The following NKAIN2 variants were observed in gnomAD, a reference collection of about 807,000 sequenced individuals.
The protein encoded by NKAIN2 is sodium/potassium transporting ATPase interacting 2.
A neutral mutation model predicts 32.6 loss-of-function variants in NKAIN2; 14 were observed. The observed-to-expected ratio is 0.43, with a 90% CI of 0.28 to 0.67. The LOEUF (loss-of-function observed/expected upper bound fraction) is 0.67, where lower values mean the gene tolerates loss of function less well. Ranked by LOEUF, NKAIN2 falls within the 30% of genes least tolerant of loss-of-function variation. The pLI, the probability that NKAIN2 is intolerant of heterozygous loss-of-function variation, is 0.17. For missense variants in NKAIN2, 198 were observed against 258.3 expected, an observed-to-expected ratio of 0.77 and a Z score of 1.60; for synonymous variants, 80 against 87.2, an observed-to-expected ratio of 0.92 and a Z score of 0.46.
chr6:123,872,687 A>C (rs1158270338), intron 1 of NKAIN2, among the ~76,000 whole-genome samples: 1 of 152,236 alleles, frequency 6.6e-6, no homozygotes, highest in African/African-American at 2.4e-5. Flanking sequence ...AATCACCAAG[A>C]ATGCTGAAAG....
At chr6:124,286,679 CGCGTGT>C (rs754196407) in intron 2 of NKAIN2, among the ~76,000 whole-genome samples, 26 of 131,974 alleles carry the variant, frequency 2.0e-4, no homozygotes, top group Admixed American at 1.1e-3. Context: ...TGTGTGCGCG[CGCGTGT>C]GTGTGTGTGT....
intron 1 of NKAIN2, among the ~76,000 whole-genome samples, chr6:124,091,119 T>TA (rs1258460240): frequency 6.6e-6 from 1 of 151,970 alleles, no homozygotes; most frequent in Non-Finnish European, 1.5e-5. Context: ...GTAAAAAGGC[T>TA]AAAAAATTGA....
chr6:124,678,855 T>TAATC (rs1276064277), intron 4 of NKAIN2, among the ~76,000 whole-genome samples: 1 of 152,236 alleles, frequency 6.6e-6, no homozygotes, highest in African/African-American at 2.4e-5. Flanking sequence ...AGATCTTTGT[T>TAATC]AATCAACCCA....
At chr6:123,998,825 A>G (rs1042340111) in intron 1 of NKAIN2, among the ~76,000 whole-genome samples, 22 of 150,280 alleles carry the variant, frequency 1.5e-4, no homozygotes, top group African/African-American at 4.4e-4. Flanking sequence ...ATATATATAT[A>G]TATATGGTGA....
intron 1 of NKAIN2, among the ~76,000 whole-genome samples, chr6:123,877,393 T>C (rs1267910130): frequency 6.6e-6 from 1 of 152,254 alleles, no homozygotes; most frequent in Non-Finnish European, 1.5e-5. Context: ...CTGAAGCTTT[T>C]AATGTATTAA....
At chr6:124,609,489 G>T (rs1782613063) in intron 3 of NKAIN2, among the ~76,000 whole-genome samples, 1 of 151,998 alleles carries the variant, frequency 6.6e-6, no homozygotes, top group African/African-American at 2.4e-5. Context: ...ACGCACCCTA[G>T]ATGTCACGAT....
At chr6:123,950,305 A>G (rs1777267071) in intron 1 of NKAIN2, among the ~76,000 whole-genome samples, 1 of 151,742 alleles carries the variant, frequency 6.6e-6, no homozygotes, top group Non-Finnish European at 1.5e-5. Flanking sequence ...CCACAGTAAA[A>G]CTGGCCTCTT....
intron 3 of NKAIN2, among the ~76,000 whole-genome samples, chr6:124,391,795 T>A (rs1011826609): frequency 6.6e-6 from 1 of 152,136 alleles, no homozygotes; most frequent in Admixed American, 6.6e-5. Context: ...AACTTGAACT[T>A]CTTGTGATCT....
At chr6:124,560,106 G>A (rs560421467) in intron 3 of NKAIN2, among the ~76,000 whole-genome samples, 1 of 152,006 alleles carries the variant, frequency 6.6e-6, no homozygotes, top group Non-Finnish European at 1.5e-5. Context: ...CATTGATATG[G>A]CTTGGCTGTG....
chr6:124,151,518 A>G (rs1787724386), intron 1 of NKAIN2, among the ~76,000 whole-genome samples: 1 of 151,960 alleles, frequency 6.6e-6, no homozygotes, highest in Non-Finnish European at 1.5e-5. Flanking sequence ...CATATGAACT[A>G]ATTTCTTATG....
chr6:124,808,026 T>C (rs552204534), intron 5 of NKAIN2, among the ~76,000 whole-genome samples: 23 of 150,344 alleles, frequency 1.5e-4, no homozygotes, highest in African/African-American at 5.3e-4. Flanking sequence ...CAGGACCAGA[T>C]GGATTCACAG....
intron 1 of NKAIN2, among the ~76,000 whole-genome samples, chr6:124,028,217 T>G (rs1037319530): frequency 6.6e-6 from 1 of 152,096 alleles, no homozygotes; most frequent in African/African-American, 2.4e-5. Flanking sequence ...TTAAATCCTA[T>G]TCTCTGAATG....
In NKAIN2 at chr6:124,017,492, T is replaced by A. The variant is rs149374219; in HGVS notation, c.54+213238T>A. Among the ~76,000 whole-genome samples the A allele has an allele frequency of 6.7e-4, 102 of 152,200 alleles. 1 individual carries two copies. The East Asian group carries it at 0.016, about 24-fold the overall frequency. ...AAAGTCTCTTCTGAGAAAAGGCAAGTCCCTTCTGCCTATGAGCCTGTGAAA... is the reference window on the plus strand; with the variant it reads ...AAAGTCTCTTCTGAGAAAAGGCAAGACCCTTCTGCCTATGAGCCTGTGAAA... On this transcript the variant is annotated intron_variant, in intron 1 of 6. Coordinates refer to ENST00000368417, the MANE Select transcript of NKAIN2 (RefSeq NM_001040214.3).
At chr6:124,462,120 T>C (rs576780289) in intron 3 of NKAIN2, among the ~76,000 whole-genome samples, 1 of 151,986 alleles carries the variant, frequency 6.6e-6, no homozygotes, top group South Asian at 2.1e-4. Context: ...TCTACAGTCT[T>C]AGCTCCGTGA....
At chr6:124,327,062 A>AT (rs11401372) in intron 2 of NKAIN2, among the ~76,000 whole-genome samples, 21,879 of 144,010 alleles carry the variant, frequency 0.15, 3,076 homozygotes, top group African/African-American at 0.37. Flanking sequence ...TCCTCAGACT[A>AT]TTTTTTTTTT....
At chr6:124,494,543 T>G (rs1777993645) in intron 3 of NKAIN2, among the ~76,000 whole-genome samples, 2 of 152,124 alleles carry the variant, frequency 1.3e-5, no homozygotes, top group Admixed American at 1.3e-4. Flanking sequence ...ACTGCATGTG[T>G]AATTAGATAA....
At chr6:124,502,826 ATCTG>A (rs1357759745) in intron 3 of NKAIN2, among the ~76,000 whole-genome samples, 1 of 152,144 alleles carries the variant, frequency 6.6e-6, no homozygotes, top group African/African-American at 2.4e-5. Context: ...TTTCACAGCA[ATCTG>A]TCTATTCATG....
chr6:123,871,998 C>T (rs964433782), intron 1 of NKAIN2, among the ~76,000 whole-genome samples: 6 of 152,126 alleles, frequency 3.9e-5, no homozygotes, highest in African/African-American at 7.2e-5. Flanking sequence ...TATTGACATG[C>T]CCCTTCCAAT....
At chr6:124,394,199 G>A (rs748474101) in intron 3 of NKAIN2, among the ~76,000 whole-genome samples, 1 of 151,732 alleles carries the variant, frequency 6.6e-6, no homozygotes, top group Non-Finnish European at 1.5e-5. Context: ...ATGACTTTGG[G>A]CAAATCATGT....
Sources: gnomAD v4.1 joint callset for allele counts (sites outside exome capture counted in the v4.1 genomes callset) on GRCh38, gnomAD v4.1.1 for gene constraint, MANE v1.5 for transcripts, NCBI Gene and HGNC (gene_info 2026-07-23, HGNC 2026-07-21) for gene names.